The following ATG7 variants were observed in gnomAD, a reference collection of about 807,000 sequenced individuals.
ATG7 encodes the protein ubiquitin-like modifier-activating enzyme ATG7.
ATG7 carries 70 observed loss-of-function variants against 82.4 expected under a neutral mutation model. The ratio of observed to expected loss-of-function variants is 0.85; its 90% CI spans 0.70 to 1.04. The LOEUF (loss-of-function observed/expected upper bound fraction) is 1.04, where lower values mean the gene tolerates loss of function less well. Among genes scored for constraint, ATG7 ranks in the 50% least tolerant of loss-of-function variants. The pLI, the probability that ATG7 is intolerant of heterozygous loss-of-function variation, is 0.00. For missense variants in ATG7, 792 were observed against 864.3 expected (o/e 0.92, Z 1.05); for synonymous variants, 287 against 313.0 (o/e 0.92, Z 0.88).
chr3:11,486,460 A>G (rs938727502), intron 20 of ATG7, among the ~76,000 whole-genome samples: 5 of 151,994 alleles, frequency 3.3e-5, no homozygotes, highest in African/African-American at 1.2e-4. Flanking sequence ...GGATTTCTAG[A>G]TATACAACCA....
At chr3:11,439,924 A>C (rs1238814248) in intron 20 of ATG7, among the ~76,000 whole-genome samples, 1 of 152,152 alleles carries the variant, frequency 6.6e-6, no homozygotes, top group Non-Finnish European at 1.5e-5. Flanking sequence ...CTATTATCCC[A>C]TTTTATGGAT....
intron 20 of ATG7, among the ~76,000 whole-genome samples, chr3:11,459,023 C>T (rs1330006753): frequency 1.3e-5 from 2 of 152,028 alleles, no homozygotes; most frequent in Non-Finnish European, 2.9e-5. Context: ...ATTCATCACC[C>T]CCCCATCTAT....
intron 19 of ATG7, among the ~76,000 whole-genome samples, chr3:11,387,402 G>A (rs540182559): frequency 6.6e-5 from 10 of 152,296 alleles, no homozygotes; most frequent in African/African-American, 2.2e-4. Flanking sequence ...CCTGTCACCT[G>A]TGGTCACAAA....
chr3:11,455,410 C>T (rs773744050), intron 20 of ATG7, among the ~76,000 whole-genome samples: 7 of 152,160 alleles, frequency 4.6e-5, no homozygotes, highest in Non-Finnish European at 2.9e-5. Flanking sequence ...CATCCCAGTG[C>T]ACCTGTTCTG....
At chr3:11,522,371 T>C (rs2092464559) in intron 20 of ATG7, among the ~76,000 whole-genome samples, 1 of 152,178 alleles carries the variant, frequency 6.6e-6, no homozygotes, top group African/African-American at 2.4e-5. Context: ...CTTCATTCCT[T>C]TCTGCTAACT....
chr3:11,361,439 C>T (rs534810165), intron 16 of ATG7, among the ~76,000 whole-genome samples: 8 of 152,150 alleles, frequency 5.3e-5, no homozygotes, highest in African/African-American at 1.7e-4. Flanking sequence ...TGTGTGCCAC[C>T]ATGCCCAGCT....
chr3:11,433,571 T>G, intron 20 of ATG7, among the ~76,000 whole-genome samples: 1 of 152,208 alleles, frequency 6.6e-6, no homozygotes, highest in South Asian at 2.1e-4. Context: ...ACAAGCTATA[T>G]TGGTATATCC....
intron 20 of ATG7, among the ~76,000 whole-genome samples, chr3:11,538,891 A>G (rs2070584251): frequency 6.6e-6 from 1 of 150,958 alleles, no homozygotes. Flanking sequence ...AAAGAAAAAG[A>G]AAAAGCCCTT....
intron 19 of ATG7, among the ~76,000 whole-genome samples, chr3:11,403,851 C>T (rs56675971): frequency 0.013 from 1,997 of 152,288 alleles, 48 homozygotes; most frequent in African/African-American, 0.044. Flanking sequence ...TGCAGAAACA[C>T]GCTGGATTTC....
the ATG7 span, among the ~76,000 whole-genome samples, chr3:11,573,234 GAAAAGAAATAGA>G: frequency 2.0e-3 from 258 of 127,464 alleles, 12 homozygotes; most frequent in African/African-American, 9.0e-3. Flanking sequence ...CAGACAGAAA[GAAAAGAAATAGA>G]GAAAGAAAGA....
At chr3:11,367,782 C>G (rs1375170060) in intron 18 of ATG7, among the ~76,000 whole-genome samples, 1 of 145,378 alleles carries the variant, frequency 6.9e-6, no homozygotes, top group Non-Finnish European at 1.5e-5. Context: ...TTTTAAGTCT[C>G]TGGCCCAATG....
intron 14 of ATG7, chr3:11,348,861 C>T (rs1388885788): frequency 6.6e-6 from 1 of 152,260 alleles, no homozygotes; most frequent in Non-Finnish European, 1.5e-5. Context: ...TGCCTTTTTA[C>T]AGAGTTCTGA....
rs1559428595 is a variant in ATG7, at chr3:11,340,650, C to G, written c.895C>G (p.Pro299Ala). ...TGTGTTTTATTTGCCTTAAGATTGT[C>G]CTAAAGCAGTTGGATGGGAAAAGAA... ...LPEMAFSPDC[P>A]KAVGWEKNQK... Residue 299 changes from proline to alanine, a missense_variant, in exon 12 of 21, where the codon CCT (proline) becomes GCT (alanine). Physicochemically the swap from Pro to Ala is conservative, Grantham distance 27. Coordinates refer to ENST00000693202, the MANE Select transcript of ATG7 (RefSeq NM_001349232.2). The G allele has an allele frequency of 6.2e-7, 1 of 1,613,424 alleles. No homozygotes were observed. Among genetic ancestry groups the G allele is most frequent in the Admixed American group, 1.7e-5 (1 of 59,984 alleles).
At chr3:11,560,673 G>A (rs112825551), downstream of ATG7, among the ~76,000 whole-genome samples, 205 of 152,292 alleles carry the variant, frequency 1.3e-3, 1 homozygote, top group African/African-American at 4.3e-3. Flanking sequence ...AACAAGAAGC[G>A]ACACATGCCA....
At chr3:11,395,897 A>G (rs1402490859) in intron 19 of ATG7, among the ~76,000 whole-genome samples, 15 of 140,730 alleles carry the variant, frequency 1.1e-4, no homozygotes, top group African/African-American at 3.7e-4. Flanking sequence ...CGGAGGTCAC[A>G]CCACTATACT....
intron 19 of ATG7, among the ~76,000 whole-genome samples, chr3:11,387,777 TG>T (rs1468227844): frequency 6.6e-6 from 1 of 152,006 alleles, no homozygotes; most frequent in Non-Finnish European, 1.5e-5. Flanking sequence ...GAGACCATCC[TG>T]GCTAACACGG....
chr3:11,357,478 A>G (rs945337973), intron 14 of ATG7, among the ~76,000 whole-genome samples: 3 of 152,192 alleles, frequency 2.0e-5, no homozygotes, highest in Non-Finnish European at 4.4e-5. Flanking sequence ...AAATATCTAC[A>G]TACTCCTAAG....
intron 9 of ATG7, among the ~76,000 whole-genome samples, chr3:11,328,346 GCT>G (rs1951165614): frequency 6.6e-6 from 1 of 152,102 alleles, no homozygotes; most frequent in African/African-American, 2.4e-5. Context: ...AGCGTAGTAA[GCT>G]CTGTTTTTAA....
At chr3:11,532,466 T>C (rs543086047) in intron 20 of ATG7, among the ~76,000 whole-genome samples, 2 of 152,142 alleles carry the variant, frequency 1.3e-5, no homozygotes, top group East Asian at 3.9e-4. Flanking sequence ...CTCATGCCTG[T>C]AATCCCAGTG....
Sources: allele counts gnomAD v4.1 joint callset (sites outside exome capture counted in the v4.1 genomes callset), GRCh38; gene constraint gnomAD v4.1.1; transcripts MANE v1.5; gene names NCBI Gene and HGNC (gene_info 2026-07-23, HGNC 2026-07-21).